The following PTPRD variants were observed in gnomAD, a reference collection of about 807,000 sequenced individuals.
PTPRD encodes receptor-type tyrosine-protein phosphatase delta.
In PTPRD, 34 loss-of-function variants were observed where a neutral mutation model predicts 214.5. The ratio of observed to expected loss-of-function variants is 0.16; its 90% CI spans 0.12 to 0.21. The LOEUF is 0.21. Among genes scored for constraint, PTPRD ranks in the 10% least tolerant of loss-of-function variants. The pLI, the probability that PTPRD is intolerant of heterozygous loss-of-function variation, is 1.00. For missense variants in PTPRD, 2,545 were observed against 2,398.7 expected, an observed-to-expected ratio of 1.06 and a Z score of -1.27; for synonymous variants, 1,128 against 845.7, an observed-to-expected ratio of 1.33 and a Z score of -5.79.
chr9:8,392,703 G>C (rs1381106892), intron 36 of PTPRD, among the ~76,000 whole-genome samples: 2 of 152,026 alleles, frequency 1.3e-5, no homozygotes, highest in African/African-American at 2.4e-5. Context: ...CCTCCTTCTG[G>C]CAAATCTCTT....
At chr9:9,192,161 G>A (rs563109539) in intron 9 of PTPRD, among the ~76,000 whole-genome samples, 2 of 152,036 alleles carry the variant, frequency 1.3e-5, no homozygotes, top group African/African-American at 4.8e-5. Flanking sequence ...TCAATATCAG[G>A]AATCTAGGAC....
In PTPRD at chr9:9,275,101, TA is replaced by T. The variant is rs1171785594; in HGVS notation, c.-202-91739del. On this transcript the variant is annotated intron_variant, in intron 9 of 45. Coordinates refer to ENST00000381196, the MANE Select transcript of PTPRD (RefSeq NM_002839.4). ...ATATATAATATATATGTTATATATA[TA>T]ATATATTATATATATATTATATATA... Among the ~76,000 whole-genome samples the T allele has an allele frequency of 1.5e-3, 94 of 60,772 alleles. 3 individuals are homozygous for T. Among genetic ancestry groups the T allele is most frequent in the South Asian group, 5.2e-3 (14 of 2,698 alleles). The allele number at this position is 60,772 out of a possible 152,430, so 39.9% of individuals were successfully genotyped here. A position where few individuals can be genotyped will look rare whatever the true frequency, so the allele number is the denominator to read the frequency against.
At chr9:9,394,328 G>T (rs2066946320) in intron 9 of PTPRD, among the ~76,000 whole-genome samples, 1 of 152,124 alleles carries the variant, frequency 6.6e-6, no homozygotes, top group South Asian at 2.1e-4. Context: ...CATAGGGGAA[G>T]ATATTTTATT....
intron 10 of PTPRD, among the ~76,000 whole-genome samples, chr9:9,076,401 G>T (rs2099751275): frequency 1.3e-5 from 2 of 151,644 alleles, no homozygotes; most frequent in African/African-American, 4.8e-5. Context: ...TTTAATTAGT[G>T]TAAGTGTTAT....
At chr9:10,150,947 C>T (rs2099056520) in intron 3 of PTPRD, among the ~76,000 whole-genome samples, 1 of 151,828 alleles carries the variant, frequency 6.6e-6, no homozygotes, top group African/African-American at 2.4e-5. Flanking sequence ...ACTTTAAAAG[C>T]TTAGCCTTGT....
At chr9:8,888,788 A>G (rs888604339) in intron 11 of PTPRD, among the ~76,000 whole-genome samples, 2 of 152,194 alleles carry the variant, frequency 1.3e-5, no homozygotes, top group Non-Finnish European at 2.9e-5. Flanking sequence ...TGTTGCATGC[A>G]AAGCATGTGA....
At chr9:9,627,683 TAGAG>T (rs141621432) in intron 7 of PTPRD, among the ~76,000 whole-genome samples, 2 of 151,996 alleles carry the variant, frequency 1.3e-5, no homozygotes, top group African/African-American at 4.8e-5. Context: ...GAGACAGTGG[TAGAG>T]AGAGAGAGCT....
chr9:9,155,821 T>G (rs1169250373), intron 10 of PTPRD, among the ~76,000 whole-genome samples: 1 of 152,122 alleles, frequency 6.6e-6, no homozygotes, highest in African/African-American at 2.4e-5. Flanking sequence ...ATCTTAGTAA[T>G]TATAATTTGA....
intron 11 of PTPRD, among the ~76,000 whole-genome samples, chr9:8,751,653 C>A (rs2093545318): frequency 6.6e-6 from 1 of 152,112 alleles, no homozygotes; most frequent in Non-Finnish European, 1.5e-5. Context: ...GCTTTTCAGT[C>A]TTAGTTATCT....
At chr9:9,988,812 T>C (rs2154076123) in intron 4 of PTPRD, among the ~76,000 whole-genome samples, 1 of 152,056 alleles carries the variant, frequency 6.6e-6, no homozygotes, top group Non-Finnish European at 1.5e-5. Flanking sequence ...GGCTTTTATT[T>C]TCTTTTTATG....
At chr9:8,518,987 G>C (rs995116271) in intron 20 of PTPRD, among the ~76,000 whole-genome samples, 6 of 152,174 alleles carry the variant, frequency 3.9e-5, no homozygotes, top group African/African-American at 1.4e-4. Flanking sequence ...AGAACAAAAT[G>C]TGGAATACAT....
intron 7 of PTPRD, among the ~76,000 whole-genome samples, chr9:9,658,953 T>C (rs571090562): frequency 2.6e-5 from 4 of 152,234 alleles, no homozygotes; most frequent in East Asian, 1.9e-4. Context: ...AGCAATCACA[T>C]TTCAAAGAAG....
intron 3 of PTPRD, among the ~76,000 whole-genome samples, chr9:10,149,991 A>C (rs1276765228): frequency 6.6e-6 from 1 of 152,024 alleles, no homozygotes; most frequent in Admixed American, 6.6e-5. Flanking sequence ...GGCCTCCCAA[A>C]GTGCTGGGAT....
chr9:8,673,148 A>G lies in PTPRD; in HGVS notation c.65-36304T>C, dbSNP rs138735832. 2.9e-3 allele frequency among the ~76,000 whole-genome samples: 440 copies of G among 152,064 alleles called. 3 individuals are homozygous for G. The highest frequency in any genetic ancestry group is 0.015 in the East Asian group (76 of 5,180). ...AGCTGATTTTTTTTTTTCTCTGAGA[A>G]TATCAGATCATCTCTCAAAGTATTT... On this transcript the variant is annotated intron_variant, in intron 12 of 45. Coordinates refer to ENST00000381196, the MANE Select transcript of PTPRD (RefSeq NM_002839.4).
intron 2 of PTPRD, among the ~76,000 whole-genome samples, chr9:10,579,530 G>C (rs557938263): frequency 6.6e-6 from 1 of 152,290 alleles, no homozygotes; most frequent in African/African-American, 2.4e-5. Flanking sequence ...TGGGCACCTA[G>C]GTTGGTTCCA....
intron 2 of PTPRD, among the ~76,000 whole-genome samples, chr9:10,548,510 C>A (rs1197029357): frequency 6.6e-6 from 1 of 152,126 alleles, no homozygotes; most frequent in African/African-American, 2.4e-5. Flanking sequence ...CTCAGCTGTT[C>A]TGTGAAAGCC....
chr9:9,157,785 T>C (rs1320236682), intron 10 of PTPRD, among the ~76,000 whole-genome samples: 1 of 152,200 alleles, frequency 6.6e-6, no homozygotes, highest in African/African-American at 2.4e-5. Flanking sequence ...GGTAAACGTG[T>C]GCCACGGTGG....
intron 8 of PTPRD, among the ~76,000 whole-genome samples, chr9:9,553,287 A>C (rs2080767579): frequency 6.6e-6 from 1 of 152,108 alleles, no homozygotes; most frequent in South Asian, 2.1e-4. Context: ...ATATTTATTG[A>C]ATGAATGAAT....
chr9:8,321,528 A>ATATATATATATATAT (rs1563892616), intron 44 of PTPRD, among the ~76,000 whole-genome samples: 7 of 79,178 alleles, frequency 8.8e-5, no homozygotes, highest in Admixed American at 1.3e-4. Context: ...TATATATATA[A>ATATATATATATATAT]AAGGTATATG....
Sources: allele counts gnomAD v4.1 joint callset (sites outside exome capture counted in the v4.1 genomes callset), GRCh38; gene constraint gnomAD v4.1.1; transcripts MANE v1.5; gene names NCBI Gene and HGNC (gene_info 2026-07-23, HGNC 2026-07-21).